The following PDE10A variants were observed in gnomAD, a reference collection of about 807,000 sequenced individuals.
The protein encoded by PDE10A is phosphodiesterase 10A.
A neutral mutation model predicts 97.7 loss-of-function variants in PDE10A; 39 were observed. That is an observed-to-expected ratio of 0.40 (90% CI 0.31 to 0.52). The LOEUF is 0.52. Ranked by LOEUF, PDE10A falls within the 20% of genes least tolerant of loss-of-function variation. PDE10A has a pLI of 0.56. For synonymous variants in PDE10A, 371 were observed against 376.8 expected, an observed-to-expected ratio of 0.98 and a Z score of 0.18; for missense variants, 731 against 1,047.8, an observed-to-expected ratio of 0.70 and a Z score of 4.17.
At chr6:165,622,377 G>A (rs988032704) in intron 1 of PDE10A, among the ~76,000 whole-genome samples, 2 of 152,148 alleles carry the variant, frequency 1.3e-5, no homozygotes, top group Non-Finnish European at 2.9e-5. Flanking sequence ...GAACATCACA[G>A]AGTGGACTTA....
intron 1 of PDE10A, among the ~76,000 whole-genome samples, chr6:165,547,473 A>C (rs934246535): frequency 2.0e-5 from 3 of 152,052 alleles, no homozygotes; most frequent in Non-Finnish European, 4.4e-5. Context: ...CCAAACTGAA[A>C]AGCAGAGTGG....
chr6:165,487,584 C>T (rs972523754), intron 2 of PDE10A, among the ~76,000 whole-genome samples: 6 of 152,118 alleles, frequency 3.9e-5, no homozygotes, highest in South Asian at 2.1e-4. Context: ...GGTTGGGAAC[C>T]GCTGGTTTAG....
chr6:165,676,288 C>T (rs1424830360), intron 1 of PDE10A, among the ~76,000 whole-genome samples: 3 of 152,112 alleles, frequency 2.0e-5, no homozygotes, highest in South Asian at 2.1e-4. Context: ...ACAATATACA[C>T]GATTTGGGCA....
At chr6:165,969,788 A>G (rs1181151252) in intron 1 of PDE10A, among the ~76,000 whole-genome samples, 2 of 152,224 alleles carry the variant, frequency 1.3e-5, no homozygotes, top group Admixed American at 6.5e-5. Flanking sequence ...TTAAGCTTCA[A>G]AGTAAATTAA....
intron 2 of PDE10A, among the ~76,000 whole-genome samples, chr6:165,528,037 G>A (rs1706135): frequency 0.69 from 105,354 of 152,134 alleles, 39,786 homozygotes; most frequent in Non-Finnish European, 0.83. Flanking sequence ...ACCTGGTTGT[G>A]CACTTTGAAT....
intron 2 of PDE10A, among the ~76,000 whole-genome samples, chr6:165,509,604 TG>T (rs1452675432): frequency 6.6e-6 from 1 of 151,902 alleles, no homozygotes; most frequent in African/African-American, 2.4e-5. Context: ...TTTTTATTTT[TG>T]TGAAAAATGA....
intron 1 of PDE10A, among the ~76,000 whole-genome samples, chr6:165,804,694 A>C: frequency 6.6e-6 from 1 of 151,808 alleles, no homozygotes; most frequent in Non-Finnish European, 1.5e-5. Context: ...GCGAAGGGGA[A>C]GAGCAGAGGC....
chr6:165,697,780 T>C (rs1287298438), intron 1 of PDE10A, among the ~76,000 whole-genome samples: 2 of 152,146 alleles, frequency 1.3e-5, no homozygotes, highest in African/African-American at 4.8e-5. Context: ...TGGAGATGGA[T>C]GATGGTGATG....
intron 1 of PDE10A, among the ~76,000 whole-genome samples, chr6:165,619,414 G>GTACTGTAGTC (rs1787954078): frequency 7.3e-5 from 3 of 41,306 alleles, no homozygotes; most frequent in Admixed American, 4.4e-4. Context: ...GTAGTCTAGT[G>GTACTGTAGTC]TAGTGTAGTG....
Position 165,442,300 on chromosome 6 carries a change from C to T in PDE10A, c.1194+6628G>A, listed in dbSNP as rs982357482. Among the ~76,000 whole-genome samples, 4 of 152,100 alleles carry T rather than the reference C, an allele frequency of 2.6e-5. No homozygotes were observed. The East Asian group carries it at 5.8e-4, about 22-fold the overall frequency. ...TAATGCTATCCCTCCCCGCTCCCCC[C>T]ACCCCACAACAGGCCCCAGTGTGTG... is the stretch of plus-strand genomic sequence containing the variant. On this transcript the variant is annotated intron_variant, in intron 5 of 21. Transcript: ENST00000539869.
At chr6:165,596,795 A>AG (rs1786624878) in intron 1 of PDE10A, among the ~76,000 whole-genome samples, 1 of 152,152 alleles carries the variant, frequency 6.6e-6, no homozygotes, top group Non-Finnish European at 1.5e-5. Context: ...TGTCTTACTC[A>AG]GAGAGCAGAC....
At chr6:165,703,513 G>T (rs764700577) in intron 1 of PDE10A, among the ~76,000 whole-genome samples, 14 of 152,214 alleles carry the variant, frequency 9.2e-5, no homozygotes, top group Non-Finnish European at 1.6e-4. Flanking sequence ...ATGCACAGGA[G>T]AGATGGTAGA....
At position 165,328,101 on chromosome 6, in the gene PDE10A, T is replaced by C. The variant is rs749284364; in HGVS notation, c.*4924A>G. 3.3e-5 allele frequency: 5 copies of C among 152,230 alleles called. No homozygotes were observed. The highest frequency in any genetic ancestry group is 6.5e-5 in the Admixed American group (1 of 15,282). The allele number at this position is 152,230 out of a possible 1,614,324, so 9.4% of individuals were successfully genotyped here. ...ATGTAATTTCAAATAGGTAGGGGCATTGTATAGAAACACCTTCTCTGGGTA... is the reference window on the plus strand; with the variant it reads ...ATGTAATTTCAAATAGGTAGGGGCACTGTATAGAAACACCTTCTCTGGGTA... On this transcript the variant is annotated 3_prime_UTR_variant, in exon 22 of 22. Coordinates refer to ENST00000539869, the MANE Select transcript of PDE10A (RefSeq NM_001385079.1).
chr6:165,361,230 C>A (rs1783399773), intron 18 of PDE10A, among the ~76,000 whole-genome samples: 1 of 152,114 alleles, frequency 6.6e-6, no homozygotes, highest in South Asian at 2.1e-4. Flanking sequence ...ACAGAGCACT[C>A]CACCAAACAC....
At chr6:165,621,019 CAA>C (rs554929440) in intron 1 of PDE10A, among the ~76,000 whole-genome samples, 52 of 107,302 alleles carry the variant, frequency 4.8e-4, no homozygotes, top group Admixed American at 6.4e-4. Context: ...GACTCTGTCT[CAA>C]AAAAAAAAAA....
chr6:165,467,245 G>A (rs1484788337), intron 3 of PDE10A, among the ~76,000 whole-genome samples: 2 of 152,230 alleles, frequency 1.3e-5, no homozygotes, highest in Non-Finnish European at 2.9e-5. Flanking sequence ...TACTGATGGA[G>A]AAGCTGCAGC....
chr6:165,647,903 C>T (rs1469968904), intron 1 of PDE10A, among the ~76,000 whole-genome samples: 1 of 152,234 alleles, frequency 6.6e-6, no homozygotes, highest in Admixed American at 6.5e-5. Context: ...ACAATCTTAA[C>T]GACTGTAGCA....
At chr6:165,904,021 A>G (rs1782192393) in intron 1 of PDE10A, among the ~76,000 whole-genome samples, 1 of 152,188 alleles carries the variant, frequency 6.6e-6, no homozygotes, top group Non-Finnish European at 1.5e-5. Flanking sequence ...ATCTCAGCTG[A>G]GGAAGTGGGG....
In PDE10A at chr6:165,663,153, C is replaced by G. The variant is rs1413086140; in HGVS notation, c.-342G>C. On this transcript the variant is annotated 5_prime_UTR_variant, in exon 1 of 22. Coordinates refer to ENST00000539869, the MANE Select transcript of PDE10A (RefSeq NM_001385079.1). The stretch of plus-strand genomic sequence containing the variant: ...TGTGCGCGCTCCGGCGGCTGAGCCT[C>G]GGCGGCTTCTCGAAAGCAGCGGAGA... Among the ~76,000 whole-genome samples, 1 of 151,880 alleles carries G rather than the reference C, an allele frequency of 6.6e-6. No homozygotes were observed. Among genetic ancestry groups the G allele is most frequent in the Non-Finnish European group, 1.5e-5 (1 of 67,934 alleles).
Sources: allele counts gnomAD v4.1 joint callset (sites outside exome capture counted in the v4.1 genomes callset), GRCh38; gene constraint gnomAD v4.1.1; transcripts MANE v1.5; gene names NCBI Gene and HGNC (gene_info 2026-07-23, HGNC 2026-07-21).